The following ANKRD11 variants were observed in gnomAD, a reference collection of about 807,000 sequenced individuals.
The protein encoded by ANKRD11 is ankyrin repeat domain 11.
ANKRD11 carries 17 observed loss-of-function variants against 195.7 expected under a neutral mutation model. That is an observed-to-expected ratio of 0.09 (90% confidence interval 0.06 to 0.13). The LOEUF is 0.13. ANKRD11 is among the 10% of genes least tolerant of loss of function. ANKRD11 has a pLI of 1.00. For synonymous variants in ANKRD11, 1,953 were observed against 1,528.1 expected, an observed-to-expected ratio of 1.28 and a Z score of -6.49; for missense variants, 3,735 against 3,566.1, an observed-to-expected ratio of 1.05 and a Z score of -1.21.
At chr16:89,324,067 G>C in intron 2 of ANKRD11, 2 of 274,836 alleles carry the variant, frequency 7.3e-6, no homozygotes, top group South Asian at 7.2e-5. Context: ...GGCCAGGGTG[G>C]TCTCCATCTC....
chr16:89,418,956 A>C (rs1249403163), intron 1 of ANKRD11, among the ~76,000 whole-genome samples: 1 of 151,974 alleles, frequency 6.6e-6, no homozygotes, highest in African/African-American at 2.4e-5. Flanking sequence ...TCCTGACCTC[A>C]GGTGTTCCAA....
intron 2 of ANKRD11, among the ~76,000 whole-genome samples, chr16:89,397,674 C>G (rs1174644970): frequency 6.6e-6 from 1 of 152,188 alleles, no homozygotes; most frequent in Non-Finnish European, 1.5e-5. Flanking sequence ...CCCAGTTTTA[C>G]AGTGTGCTTT....
chr16:89,483,775 C>T (rs1304077618), intron 1 of ANKRD11, among the ~76,000 whole-genome samples: 1 of 150,378 alleles, frequency 6.6e-6, no homozygotes, highest in Non-Finnish European at 1.5e-5. Flanking sequence ...TTGCGGTGAG[C>T]CAAGATCATG....
At chr16:89,314,678 C>T (rs2036840683) in intron 3 of ANKRD11, among the ~76,000 whole-genome samples, 1 of 152,146 alleles carries the variant, frequency 6.6e-6, no homozygotes, top group South Asian at 2.1e-4. Context: ...GAGACCTGAG[C>T]CAGGAGAGCT....
At chr16:89,371,090 G>A (rs1036008083) in intron 2 of ANKRD11, among the ~76,000 whole-genome samples, 13 of 152,152 alleles carry the variant, frequency 8.5e-5, no homozygotes, top group South Asian at 2.1e-4. Flanking sequence ...TCAACTGCGC[G>A]CTCGCTTACT....
At chr16:89,271,067 C>G in intron 11 of ANKRD11, 158 bp from the exon 12 acceptor site, 2 of 711,502 alleles carry the variant, frequency 2.8e-6, no homozygotes, top group Non-Finnish European at 5.0e-6. Context: ...CAAGGCATGG[C>G]AGGCGCACCC....
intron 2 of ANKRD11, among the ~76,000 whole-genome samples, chr16:89,342,667 AAC>A (rs1218721625): frequency 6.6e-6 from 1 of 152,212 alleles, no homozygotes; most frequent in Non-Finnish European, 1.5e-5. Flanking sequence ...TAAGAGAAAA[AAC>A]AAACTTGATA....
intron 1 of ANKRD11, among the ~76,000 whole-genome samples, chr16:89,435,487 C>T (rs745596511): frequency 2.3e-4 from 35 of 152,088 alleles, no homozygotes; most frequent in Admixed American, 8.5e-4. Context: ...ACCCTCAGCG[C>T]GAAGGTCTGC....
At chr16:89,475,486 A>G (rs1018817240) in intron 1 of ANKRD11, among the ~76,000 whole-genome samples, 1 of 152,234 alleles carries the variant, frequency 6.6e-6, no homozygotes, top group Non-Finnish European at 1.5e-5. Context: ...TATTAAAATG[A>G]AATATTGCAG....
intron 1 of ANKRD11, among the ~76,000 whole-genome samples, chr16:89,425,651 AT>A (rs2042687234): frequency 6.6e-6 from 1 of 151,654 alleles, no homozygotes; most frequent in Admixed American, 6.6e-5. Flanking sequence ...GGTTATTTCG[AT>A]TTTTTCGGGC....
At chr16:89,308,190 A>T (rs543393957) in intron 3 of ANKRD11, among the ~76,000 whole-genome samples, 2 of 152,368 alleles carry the variant, frequency 1.3e-5, no homozygotes, top group African/African-American at 4.8e-5. Flanking sequence ...CAGGATATAT[A>T]AAAAAAGACA....
rs1284978963 is a variant in ANKRD11 at position 89,270,807 on chromosome 16, C to T, written c.7806+10G>A. ...CCCCAGGCAGAACTGAGGGGACGCG[C>T]AACACCGACCTTCATGCGGTCATAC... is the stretch of plus-strand genomic sequence containing the variant. On this transcript the variant is annotated intron_variant, in intron 12 of 12. Coordinates refer to ENST00000301030, the MANE Select transcript of ANKRD11 (RefSeq NM_013275.6). 2.5e-6 allele frequency: 4 copies of T among 1,612,804 alleles called. No homozygotes were observed. The African/African-American group carries it at 5.3e-5, about 22-fold the overall frequency.
intron 2 of ANKRD11, among the ~76,000 whole-genome samples, chr16:89,415,830 A>AAAAAAAAAAAAAAAAAAAAAAC (rs1491146412): frequency 1.1e-5 from 1 of 92,118 alleles, no homozygotes; most frequent in Non-Finnish European, 2.1e-5. Context: ...ACTCTGTCTC[A>AAAAAAAAAAAAAAAAAAAAAAC]AAAAAAAAAA....
intron 2 of ANKRD11, among the ~76,000 whole-genome samples, chr16:89,356,633 T>G (rs12149336): frequency 0.38 from 55,605 of 146,098 alleles, 12,635 homozygotes; most frequent in Middle Eastern, 0.56. Context: ...AAAAAAAAAT[T>G]AGCCAGGCGT....
At chr16:89,297,124 T>C (rs918492172) in intron 4 of ANKRD11, among the ~76,000 whole-genome samples, 1 of 152,212 alleles carries the variant, frequency 6.6e-6, no homozygotes, top group South Asian at 2.1e-4. Context: ...CGTGGAGGTG[T>C]GTGGCCTCAG....
chr16:89,283,171 T>C lies in ANKRD11; in HGVS notation c.3371A>G (p.Glu1124Gly). ...YIADIFTDESEDDRDSCMGSG... is the reference protein window; with the variant it reads ...YIADIFTDESGDDRDSCMGSG... ...CCCCATGCAGCTGTCTCTGTCGTCC[T>C]CACTCTCATCTGTGAAGATGTCTGC... Residue 1124 changes from glutamate to glycine, a missense_variant, in exon 9 of 13, where the codon GAG becomes GGG. Glu to Gly is a moderately conservative substitution (Grantham distance 98). Coordinates refer to ENST00000301030, the MANE Select transcript of ANKRD11 (RefSeq NM_013275.6). The surrounding 1 kb of genome is among the most constrained non-coding windows in gnomAD (Gnocchi z 4.3). 1 of 1,614,122 alleles carries C rather than the reference T, an allele frequency of 6.2e-7. No individual in the cohort carries two copies. The highest frequency in any genetic ancestry group is 1.1e-5 in the South Asian group (1 of 91,076).
At chr16:89,366,224 T>C (rs2039945404) in intron 2 of ANKRD11, among the ~76,000 whole-genome samples, 1 of 151,066 alleles carries the variant, frequency 6.6e-6, no homozygotes, top group Non-Finnish European at 1.5e-5. Flanking sequence ...CTTTATCCAA[T>C]CCGTCACTGA....
chr16:89,398,315 CTG>C (rs2041544160), intron 2 of ANKRD11, among the ~76,000 whole-genome samples: 2 of 144,288 alleles, frequency 1.4e-5, no homozygotes, highest in Admixed American at 1.4e-4. Context: ...ATGAGGGACA[CTG>C]TGAAACAGCT....
At chr16:89,270,740 A>AG in intron 12 of ANKRD11, 77 bp downstream of exon 12, 1 of 1,413,250 alleles carries the variant, frequency 7.1e-7, no homozygotes, top group East Asian at 2.4e-5. Flanking sequence ...GGCAGCGCAA[A>AG]GGGGGTTGTC....
Sources: allele counts gnomAD v4.1 joint callset (sites outside exome capture counted in the v4.1 genomes callset), GRCh38; gene constraint gnomAD v4.1.1; non-coding constraint Gnocchi (gnomAD v3.1); transcripts MANE v1.5; gene names NCBI Gene and HGNC (gene_info 2026-07-23, HGNC 2026-07-21).